Variants in RGPD4 observed in about 807,000 individuals in gnomAD.
The protein encoded by RGPD4 is RANBP2 like and GRIP domain containing 4.
In RGPD4, 84 loss-of-function variants were observed where a neutral mutation model predicts 141.1. The observed-to-expected ratio is 0.60, with a 90% confidence interval of 0.50 to 0.71. The LOEUF (loss-of-function observed/expected upper bound fraction) is 0.71, where lower values mean the gene tolerates loss of function less well. Ranked by LOEUF, RGPD4 falls within the 30% of genes least tolerant of loss-of-function variation. The pLI is 0.00. For missense variants in RGPD4, 918 were observed against 1,622.4 expected (o/e 0.57, Z 7.46); for synonymous variants, 298 against 566.8 (o/e 0.53, Z 6.74).
intron 6 of RGPD4, among the ~76,000 whole-genome samples, chr2:107,846,109 G>A (rs1486232873): frequency 7.2e-5 from 10 of 138,890 alleles, no homozygotes; most frequent in African/African-American, 2.6e-4. Flanking sequence ...TGTATTTTTA[G>A]TAGAGATGGG....
chr2:107,882,765 T>G lies in RGPD4; in HGVS notation c.5158T>G (p.Phe1720Val), dbSNP rs777473208. 1.7e-5 allele frequency: 27 copies of G among 1,611,352 alleles called. No individual in the cohort carries two copies. The highest frequency in any genetic ancestry group is 1.8e-5 in the Non-Finnish European group (21 of 1,179,866). ...VEHLKNVLLQ[F>V]IFLKPGSERE... ...ACACTTGAAGAACGTCTTGCTGCAG[T>G]TCATTTTCTTGAAGCCAGGTAGTGA... The change falls in exon 22 of 23, where the codon TTC (phenylalanine) becomes GTC (valine). Residue 1720 changes from phenylalanine (F) to valine (V), a missense_variant. By Grantham distance (50) the Phe-to-Val change is conservative. Coordinates refer to ENST00000408999, the MANE Select transcript of RGPD4 (RefSeq NM_182588.3).
chr2:107,845,043 A>C (rs1037322588), intron 6 of RGPD4, among the ~76,000 whole-genome samples: 7 of 139,522 alleles, frequency 5.0e-5, no homozygotes, highest in African/African-American at 1.9e-4. Flanking sequence ...GGATGGTCTC[A>C]ATCTCTCTTT....
At chr2:107,830,699 A>G (rs1681452987) in intron 1 of RGPD4, among the ~76,000 whole-genome samples, 1 of 152,052 alleles carries the variant, frequency 6.6e-6, no homozygotes, top group South Asian at 2.1e-4. Flanking sequence ...AAGGTAAAGA[A>G]TGGAGGGAGA....
chr2:107,831,772 C>T (rs1483042926), intron 1 of RGPD4, among the ~76,000 whole-genome samples: 3 of 146,590 alleles, frequency 2.0e-5, no homozygotes, highest in Non-Finnish European at 4.5e-5. Context: ...GGGGTTTCAC[C>T]GTGTTAGCCA....
chr2:107,827,325 C>T (rs1280010489), intron 1 of RGPD4, among the ~76,000 whole-genome samples: 1 of 138,990 alleles, frequency 7.2e-6, no homozygotes, highest in South Asian at 2.3e-4. Context: ...CGGCCTCGAC[C>T]CGGCCCGGCG....
chr2:107,877,727 A>G (rs1385410170), intron 20 of RGPD4, among the ~76,000 whole-genome samples: 1 of 151,734 alleles, frequency 6.6e-6, no homozygotes, highest in African/African-American at 2.4e-5. Flanking sequence ...TGTGTTATCT[A>G]ACAGTTTATC....
chr2:107,888,924 T>C (rs1360711794), intron 22 of RGPD4, among the ~76,000 whole-genome samples: 7 of 138,950 alleles, frequency 5.0e-5, no homozygotes, highest in Non-Finnish European at 1.1e-4. Flanking sequence ...CCATTTCTGA[T>C]CTCCTGACCC....
chr2:107,883,264 A>C (rs1375998171), intron 22 of RGPD4: 1 of 427,458 alleles, frequency 2.3e-6, no homozygotes, highest in South Asian at 1.7e-5. Flanking sequence ...AAATAGCCTA[A>C]GACAATGGAG....
In RGPD4 at chr2:107,872,509, G is replaced by C. The variant is rs1682963620; in HGVS notation, c.4505G>C (p.Arg1502Thr). 1 of 1,551,324 alleles carries C rather than the reference G, an allele frequency of 6.4e-7. No homozygotes were observed. Among genetic ancestry groups the C allele is most frequent in the African/African-American group, 1.5e-5 (1 of 66,144 alleles). ...IAVAVLEETTRERTDVIQGDD... is the reference protein window; with the variant it reads ...IAVAVLEETTTERTDVIQGDD... The stretch of plus-strand genomic sequence containing the variant: ...GTAGCTGTATTAGAAGAAACCACAA[G>C]AGAGAGGACAGATGTTATTCAGGGT... Residue 1502 changes from arginine (R) to threonine (T), a missense_variant, in exon 20 of 23, where the codon AGA becomes ACA. Coordinates refer to ENST00000408999, the MANE Select transcript of RGPD4 (RefSeq NM_182588.3).
chr2:107,847,842 A>AAT (rs1219807017), intron 6 of RGPD4, among the ~76,000 whole-genome samples: 1 of 128,802 alleles, frequency 7.8e-6, no homozygotes, highest in Admixed American at 7.8e-5. Context: ...AAAAAAAAAA[A>AAT]AAAGACAATT....
intron 20 of RGPD4, among the ~76,000 whole-genome samples, chr2:107,873,539 A>C (rs1573523911): frequency 7.0e-6 from 1 of 143,016 alleles, no homozygotes; most frequent in African/African-American, 2.6e-5. Context: ...ATGCCACTGC[A>C]CTCCAGCCTG....
chr2:107,885,819 G>A (rs1390519151), intron 22 of RGPD4, among the ~76,000 whole-genome samples: 7 of 151,984 alleles, frequency 4.6e-5, no homozygotes, highest in Non-Finnish European at 8.8e-5. Context: ...TTGGGAGGCT[G>A]AGGAGGGTAG....
At position 107,859,233 on chromosome 2, in the gene RGPD4, C is replaced by T; in HGVS notation, c.1396C>T (p.Pro466Ser). 7.8e-7 allele frequency: 1 copy of T among 1,289,690 alleles called. No homozygotes were observed. Among genetic ancestry groups the T allele is most frequent in the Non-Finnish European group, 1.0e-6 (1 of 978,522 alleles). 79.9% of individuals were successfully genotyped at this position (1,289,690 alleles called of 1,614,324 possible). Residue 466 changes from proline to serine, a missense_variant, in exon 10 of 23, where the codon CCC becomes TCC. Pro to Ser is a moderately conservative substitution (Grantham distance 74, BLOSUM62 -1). Transcript: ENST00000408999. ...GCTAAAACAGCTTTTCCATCATTTG[C>T]CCCAGGAAACCTCAAGGCTTGAAAC... is the stretch of plus-strand genomic sequence containing the variant. ...KWLKQLFHHL[P>S]QETSRLETNA...
At chr2:107,844,823 C>CTTTCTTTTTTTTTTTT (rs1681859004) in intron 6 of RGPD4, among the ~76,000 whole-genome samples, 1 of 53,850 alleles carries the variant, frequency 1.9e-5, no homozygotes, top group African/African-American at 6.9e-5. Flanking sequence ...TTCTTTCTTT[C>CTTTCTTTTTTTTTTTT]TTTTTTGTTT....
At chr2:107,846,712 C>G (rs1681961871) in intron 6 of RGPD4, among the ~76,000 whole-genome samples, 1 of 150,588 alleles carries the variant, frequency 6.6e-6, no homozygotes, top group African/African-American at 2.5e-5. Flanking sequence ...AGGTGATCCA[C>G]CCGCCTCAGC....
rs530534584 is a variant in RGPD4 at position 107,873,544 on chromosome 2, A to C, written c.4924+616A>C. ...AGCTGAAATCATGCCACTGCACTCC[A>C]GCCTGACTGAGTGACTGAGACTTTG... On this transcript the variant is annotated intron_variant, in intron 20 of 22. Transcript: ENST00000408999. Among the ~76,000 whole-genome samples, 457 of 143,740 alleles carry C rather than the reference A, an allele frequency of 3.2e-3. 12 individuals carry two copies. The highest frequency in any genetic ancestry group is 0.027 in the Admixed American group (370 of 13,564). 94.3% of individuals were successfully genotyped at this position (143,740 alleles called of 152,430 possible).
chr2:107,880,051 A>T lies in RGPD4; in HGVS notation c.5008A>T (p.Asn1670Tyr), dbSNP rs780974522. The T allele has an allele frequency of 6.2e-7, 1 of 1,611,482 alleles. No homozygotes were observed. Among genetic ancestry groups the T allele is most frequent in the Non-Finnish European group, 8.5e-7 (1 of 1,179,850 alleles). ...CACCACAAAAAGTGCAGATCACTTAAACGGCCTGCTTCGGGAAGCAGAGGC... is the reference window on the plus strand; with the variant it reads ...CACCACAAAAAGTGCAGATCACTTATACGGCCTGCTTCGGGAAGCAGAGGC... ...SSTTKSADHLNGLLREAEATS... is the reference protein window; with the variant it reads ...SSTTKSADHLYGLLREAEATS... The change falls in exon 21 of 23, where the codon AAC becomes TAC. Residue 1670 changes from asparagine (N) to tyrosine (Y), a missense_variant. By Grantham distance (143) the Asn-to-Tyr change is moderately radical. Transcript: ENST00000408999.
rs562733464 is a variant in RGPD4 at position 107,859,516 on chromosome 2, G to C, written c.1596G>C (p.Trp532Cys). 74 of 1,611,380 alleles carry C rather than the reference G, an allele frequency of 4.6e-5. No individual in the cohort carries two copies. Among genetic ancestry groups the C allele is most frequent in the Admixed American group, 3.8e-4 (23 of 59,998 alleles). ...TTTGTACAGAAAGACAAAAATCTTGGTGGGATGCGGTTTGTACTCTGATTC... is the reference window on the plus strand; with the variant it reads ...TTTGTACAGAAAGACAAAAATCTTGCTGGGATGCGGTTTGTACTCTGATTC... Reference protein sequence around the residue: ...KQLCTERQKSWWDAVCTLIHR... With the variant: ...KQLCTERQKSCWDAVCTLIHR... The change falls in exon 11 of 23, where the codon TGG becomes TGC. Residue 532 changes from tryptophan to cysteine, a missense_variant. Trp to Cys is a radical substitution (Grantham distance 215, BLOSUM62 -2). Coordinates refer to ENST00000408999, the MANE Select transcript of RGPD4 (RefSeq NM_182588.3).
chr2:107,857,319 A>C (rs1345370735), intron 9 of RGPD4, among the ~76,000 whole-genome samples: 6 of 151,374 alleles, frequency 4.0e-5, no homozygotes, highest in Non-Finnish European at 8.8e-5. Context: ...TTGTAGTTTT[A>C]GTAGAGACAG....
Sources: gnomAD v4.1 joint callset for allele counts (sites outside exome capture counted in the v4.1 genomes callset) on GRCh38, gnomAD v4.1.1 for gene constraint, MANE v1.5 for transcripts, NCBI Gene and HGNC (gene_info 2026-07-23, HGNC 2026-07-21) for gene names.